VOPP1: variants seen among roughly 807,000 people sequenced by gnomAD.
The protein encoded by VOPP1 is WW domain binding protein VOPP1.
VOPP1 carries 8 observed loss-of-function variants against 23.5 expected under a neutral mutation model. That is an observed-to-expected ratio of 0.34 (90% CI 0.20 to 0.61). The LOEUF is 0.61. Among genes scored for constraint, VOPP1 ranks in the 20% least tolerant of loss-of-function variants. VOPP1 has a pLI of 0.78. For missense variants in VOPP1, 174 were observed against 238.1 expected, an observed-to-expected ratio of 0.73 and a Z score of 1.77; for synonymous variants, 83 against 97.3, an observed-to-expected ratio of 0.85 and a Z score of 0.86.
At chr7:55,515,938 T>C in intron 2 of VOPP1, 2 of 984,548 alleles carry the variant, frequency 2.0e-6, no homozygotes, top group Non-Finnish European at 2.4e-6. Flanking sequence ...GTTCCTACCT[T>C]TATCTTCTCA....
At chr7:55,520,036 A>G (rs143427974) in intron 2 of VOPP1, among the ~76,000 whole-genome samples, 1,671 of 152,242 alleles carry the variant, frequency 0.011, 11 homozygotes, top group Middle Eastern at 0.02. Flanking sequence ...GCTGAGGCAC[A>G]AGAATTGCTT....
chr7:55,473,089 C>T (rs1347174279), intron 4 of VOPP1, 44 bp from the exon 5 acceptor site: 1 of 1,569,264 alleles, frequency 6.4e-7, no homozygotes, highest in Non-Finnish European at 8.6e-7. Flanking sequence ...GGGAAAGCCC[C>T]ATCACACCGC....
chr7:55,554,729 TGGA>T (rs1797744459), intron 1 of VOPP1, among the ~76,000 whole-genome samples: 1 of 152,192 alleles, frequency 6.6e-6, no homozygotes, highest in Non-Finnish European at 1.5e-5. Context: ...TGGGCCACCC[TGGA>T]GGAGGTCTCT....
intron 4 of VOPP1, among the ~76,000 whole-genome samples, chr7:55,477,610 G>A (rs1792367282): frequency 2.0e-5 from 3 of 152,194 alleles, no homozygotes; most frequent in South Asian, 4.1e-4. Context: ...GGCCACTCAC[G>A]CTGCAGAACC....
chr7:55,484,117 T>C (rs1006552113), intron 4 of VOPP1, among the ~76,000 whole-genome samples: 1 of 152,238 alleles, frequency 6.6e-6, no homozygotes, highest in South Asian at 2.1e-4. Flanking sequence ...TAATATAGAC[T>C]GTGGATGATC....
At chr7:55,546,070 T>C (rs1026922765) in intron 1 of VOPP1, among the ~76,000 whole-genome samples, 3 of 151,594 alleles carry the variant, frequency 2.0e-5, no homozygotes, top group Admixed American at 1.3e-4. Flanking sequence ...CTGTCTCAAT[T>C]AAAAAAAATA....
At chr7:55,531,316 C>T (rs1405139399) in intron 1 of VOPP1, among the ~76,000 whole-genome samples, 2 of 151,806 alleles carry the variant, frequency 1.3e-5, no homozygotes, top group East Asian at 3.9e-4. Flanking sequence ...CAGGACCAAA[C>T]CTTTGAATGC....
intron 2 of VOPP1, among the ~76,000 whole-genome samples, chr7:55,516,735 A>C (rs904527238): frequency 4.6e-5 from 7 of 152,072 alleles, no homozygotes; most frequent in African/African-American, 1.7e-4. Flanking sequence ...TGTTGTTTGA[A>C]ATATATTTTC....
chr7:55,508,384 C>A (rs189241160), intron 2 of VOPP1, among the ~76,000 whole-genome samples: 1 of 152,336 alleles, frequency 6.6e-6, no homozygotes. Context: ...CCCTTCACAT[C>A]AGCCTCCCAA....
At chr7:55,547,623 A>G (rs1407050662) in intron 1 of VOPP1, among the ~76,000 whole-genome samples, 1 of 152,196 alleles carries the variant, frequency 6.6e-6, no homozygotes, top group Non-Finnish European at 1.5e-5. Flanking sequence ...TTGAGTTGGG[A>G]ATGATCGTCT....
chr7:55,478,012 C>A (rs539252659), intron 4 of VOPP1, among the ~76,000 whole-genome samples: 1 of 152,338 alleles, frequency 6.6e-6, no homozygotes, highest in South Asian at 2.1e-4. Flanking sequence ...TCACAGGACG[C>A]TGGCCATGCT....
chr7:55,504,876 T>C (rs1794607224), intron 2 of VOPP1, among the ~76,000 whole-genome samples: 1 of 152,248 alleles, frequency 6.6e-6, no homozygotes, highest in Non-Finnish European at 1.5e-5. Flanking sequence ...ATTAACCTTT[T>C]TAACAACTGT....
rs114195646 is a variant in VOPP1 at position 55,569,883 on chromosome 7, G to A, written c.54+2388C>T. 4.7e-3 allele frequency among the ~76,000 whole-genome samples: 709 copies of A among 152,274 alleles called. 4 individuals are homozygous for A. Among genetic ancestry groups the A allele is most frequent in the Middle Eastern group, 0.02 (6 of 294 alleles). On this transcript the variant is annotated intron_variant, in intron 1 of 4. Coordinates refer to ENST00000285279, the MANE Select transcript of VOPP1 (RefSeq NM_030796.5). Reference sequence around the variant, plus strand: ...GGATGGTGCTAGATAGGGCCAGGGTGCTGGGGGTGGGAACAGAGTCACCAC... The same window carrying A: ...GGATGGTGCTAGATAGGGCCAGGGTACTGGGGGTGGGAACAGAGTCACCAC...
chr7:55,569,158 T>C (rs1798262764), intron 1 of VOPP1, among the ~76,000 whole-genome samples: 1 of 152,202 alleles, frequency 6.6e-6, no homozygotes, highest in South Asian at 2.1e-4. Flanking sequence ...AGTCCAGTAA[T>C]GAGCTTCCAA....
At chr7:55,469,208 C>T (rs997855883), downstream of VOPP1, among the ~76,000 whole-genome samples, 9 of 152,166 alleles carry the variant, frequency 5.9e-5, no homozygotes, top group Middle Eastern at 3.4e-3. Flanking sequence ...GGGAAGCCTT[C>T]GGGTTAATGA....
chr7:55,572,246 GCAGCACC>G lies in VOPP1; in HGVS notation c.54+18_54+24del, dbSNP rs1798391124. The G allele has an allele frequency of 6.6e-7, 1 of 1,512,042 alleles. No individual in the cohort carries two copies. Among genetic ancestry groups the G allele is most frequent in the Non-Finnish European group, 8.8e-7 (1 of 1,138,560 alleles). 93.7% of individuals were successfully genotyped at this position (1,512,042 alleles called of 1,614,324 possible). A position where few individuals can be genotyped will look rare whatever the true frequency, so the allele number is the denominator to read the frequency against. On this transcript the variant is annotated intron_variant, in intron 1 of 4. Transcript: ENST00000285279. ...CAGCATGGTGGGCGCCGCGCCTCCG[GCAGCACC>G]CGGTCCCCGGCCCCTACCTCCAAGA...
intron 4 of VOPP1, among the ~76,000 whole-genome samples, chr7:55,488,806 T>C (rs1417534563): frequency 6.6e-6 from 1 of 152,222 alleles, no homozygotes; most frequent in Non-Finnish European, 1.5e-5. Context: ...GGGGCTCTGC[T>C]GAAAATTCAC....
At chr7:55,556,418 T>A (rs955214545) in intron 1 of VOPP1, among the ~76,000 whole-genome samples, 1 of 152,144 alleles carries the variant, frequency 6.6e-6, no homozygotes, top group Non-Finnish European at 1.5e-5. Flanking sequence ...ACATTCTATT[T>A]ATAATAAAGA....
At chr7:55,441,551 T>C (rs1444145224) in intron 4 of VOPP1, among the ~76,000 whole-genome samples, 1 of 152,232 alleles carries the variant, frequency 6.6e-6, no homozygotes, top group Non-Finnish European at 1.5e-5. Context: ...GATTAAATAA[T>C]TTGAGTAACG....
Sources: gnomAD v4.1 joint callset for allele counts (sites outside exome capture counted in the v4.1 genomes callset) on GRCh38, gnomAD v4.1.1 for gene constraint, MANE v1.5 for transcripts, NCBI Gene and HGNC (gene_info 2026-07-23, HGNC 2026-07-21) for gene names.